HPSE2: variants seen among roughly 807,000 people sequenced by gnomAD.
The protein encoded by HPSE2 is heparanase 2 (inactive).
HPSE2 carries 38 observed loss-of-function variants against 60.5 expected under a neutral mutation model. The observed-to-expected ratio is 0.63, with a 90% CI of 0.48 to 0.82. HPSE2 has a LOEUF of 0.82. Ranked by LOEUF, HPSE2 falls within the 40% of genes least tolerant of loss-of-function variation. HPSE2 has a pLI of 0.00. For missense variants in HPSE2, 713 were observed against 740.4 expected (o/e 0.96, Z 0.43); for synonymous variants, 295 against 293.2 (o/e 1.01, Z -0.06).
At chr10:98,888,172 A>ACG (rs1554836961) in intron 3 of HPSE2, among the ~76,000 whole-genome samples, 1 of 149,958 alleles carries the variant, frequency 6.7e-6, no homozygotes, top group Non-Finnish European at 1.5e-5. Context: ...ACACACACAC[A>ACG]CATGCATGAT....
At chr10:99,059,377 T>A (rs1037269258) in intron 3 of HPSE2, among the ~76,000 whole-genome samples, 1 of 152,204 alleles carries the variant, frequency 6.6e-6, no homozygotes, top group African/African-American at 2.4e-5. Flanking sequence ...TAAATAAATA[T>A]ATATCTGAAA....
At chr10:99,102,583 A>G (rs530633687) in intron 3 of HPSE2, among the ~76,000 whole-genome samples, 12 of 152,232 alleles carry the variant, frequency 7.9e-5, no homozygotes, top group Admixed American at 2.0e-4. Context: ...TTCTTTCTGA[A>G]ACTATTCCAA....
intron 2 of HPSE2, among the ~76,000 whole-genome samples, chr10:99,184,384 G>T (rs1847889733): frequency 6.6e-6 from 1 of 151,846 alleles, no homozygotes; most frequent in Admixed American, 6.6e-5. Flanking sequence ...AATTAGCCAG[G>T]CTTGGTGGTG....
At chr10:99,269,328 T>C in the HPSE2 span, among the ~76,000 whole-genome samples, 1 of 151,890 alleles carries the variant, frequency 6.6e-6, no homozygotes, top group East Asian at 1.9e-4. Context: ...AAAACAAACT[T>C]TAAAGCAACA....
intron 3 of HPSE2, among the ~76,000 whole-genome samples, chr10:98,912,245 C>G (rs1953998823): frequency 6.6e-6 from 1 of 152,196 alleles, no homozygotes; most frequent in Non-Finnish European, 1.5e-5. Context: ...AATACCAACA[C>G]ACTGAATTGC....
chr10:98,805,513 T>C (rs1050004777), intron 3 of HPSE2, among the ~76,000 whole-genome samples: 49 of 152,036 alleles, frequency 3.2e-4, no homozygotes, highest in Non-Finnish European at 3.5e-4. Flanking sequence ...ATATCTTGTG[T>C]ACCTCATAAA....
At chr10:98,764,885 CA>C (rs554279112) in intron 3 of HPSE2, among the ~76,000 whole-genome samples, 5 of 151,766 alleles carry the variant, frequency 3.3e-5, no homozygotes, top group African/African-American at 1.2e-4. Flanking sequence ...AACAAACAAA[CA>C]AAAAAACTAG....
intron 3 of HPSE2, among the ~76,000 whole-genome samples, chr10:99,039,306 T>C (rs535169200): frequency 3.3e-5 from 5 of 152,128 alleles, no homozygotes; most frequent in Non-Finnish European, 5.9e-5. Flanking sequence ...TCTGAGTAGA[T>C]ACATAGATCT....
In HPSE2 at chr10:99,136,995, T is replaced by C. The variant is rs552854388; in HGVS notation, c.610+7243A>G. On this transcript the variant is annotated intron_variant, in intron 3 of 11. Transcript: ENST00000370552. ...ATGATTGTATATTTAGAAAACCCCA[T>C]CTTCTCAGCCCAAAATCTCCTTAAG... Among the ~76,000 whole-genome samples the C allele has an allele frequency of 7.9e-5, 12 of 152,126 alleles. No homozygotes were observed. In the South Asian group the frequency reaches 8.3e-4, roughly 11 times the overall value.
At chr10:99,159,889 C>G (rs1028774744) in intron 2 of HPSE2, among the ~76,000 whole-genome samples, 5 of 152,206 alleles carry the variant, frequency 3.3e-5, no homozygotes, top group African/African-American at 1.2e-4. Context: ...ATCTGTAATG[C>G]CAGCATTTTG....
intron 3 of HPSE2, among the ~76,000 whole-genome samples, chr10:99,105,444 CTG>C (rs1844205440): frequency 6.8e-6 from 1 of 146,304 alleles, no homozygotes; most frequent in Non-Finnish European, 1.5e-5. Flanking sequence ...TTTTTTTTCT[CTG>C]TGAGTGTTTT....
At chr10:99,065,624 G>C (rs1285194666) in intron 3 of HPSE2, among the ~76,000 whole-genome samples, 2 of 152,168 alleles carry the variant, frequency 1.3e-5, no homozygotes, top group Non-Finnish European at 2.9e-5. Context: ...CACTATGATA[G>C]AGTTAAGACA....
chr10:99,305,965 G>GCA, the HPSE2 span, among the ~76,000 whole-genome samples: 25 of 64,000 alleles, frequency 3.9e-4, 1 homozygote, highest in East Asian at 0.012. Context: ...ACACACACGC[G>GCA]CGCGCGCGCG....
chr10:99,216,349 C>T (rs1381829758), intron 2 of HPSE2, among the ~76,000 whole-genome samples: 1 of 152,074 alleles, frequency 6.6e-6, no homozygotes, highest in Non-Finnish European at 1.5e-5. Context: ...CGCCTGCCAC[C>T]ATGCCCTGCT....
intron 3 of HPSE2, among the ~76,000 whole-genome samples, chr10:98,909,567 T>C (rs1001232317): frequency 4.0e-5 from 6 of 151,048 alleles, no homozygotes; most frequent in African/African-American, 1.2e-4. Context: ...GAGGTGGAGG[T>C]TGCAGTGAGC....
intron 1 of HPSE2, 56 bp from the exon 2 acceptor site, chr10:99,232,561 G>T: frequency 6.5e-7 from 1 of 1,536,734 alleles, no homozygotes; most frequent in Non-Finnish European, 8.8e-7. Context: ...GAGAGCGCGT[G>T]GGGCACGGAG....
At chr10:98,658,280 AG>A (rs1277442504) in intron 6 of HPSE2, among the ~76,000 whole-genome samples, 2 of 152,250 alleles carry the variant, frequency 1.3e-5, no homozygotes, top group African/African-American at 4.8e-5. Context: ...GCTATATCAA[AG>A]CAATTTATAA....
chr10:98,803,118 T>C (rs568720093), intron 3 of HPSE2, among the ~76,000 whole-genome samples: 1 of 152,130 alleles, frequency 6.6e-6, no homozygotes, highest in South Asian at 2.1e-4. Flanking sequence ...ATATATGTCT[T>C]CTTTTGAGAA....
intron 6 of HPSE2, among the ~76,000 whole-genome samples, chr10:98,683,872 A>G (rs1374517924): frequency 1.3e-5 from 2 of 152,140 alleles, no homozygotes; most frequent in Admixed American, 6.5e-5. Flanking sequence ...ATAAAAGATC[A>G]CTAGGAACAG....
Sources: allele counts gnomAD v4.1 joint callset (sites outside exome capture counted in the v4.1 genomes callset), GRCh38; gene constraint gnomAD v4.1.1; transcripts MANE v1.5; gene names NCBI Gene and HGNC (gene_info 2026-07-23, HGNC 2026-07-21).